Variants in SLC16A14 observed in about 807,000 individuals in gnomAD.
SLC16A14 encodes the protein monocarboxylate transporter 14.
In SLC16A14, 14 loss-of-function variants were observed where a neutral mutation model predicts 35.8. The ratio of observed to expected loss-of-function variants is 0.39; its 90% CI spans 0.26 to 0.61. The LOEUF (loss-of-function observed/expected upper bound fraction) is 0.61. Ranked by LOEUF, SLC16A14 falls within the 20% of genes least tolerant of loss-of-function variation. The probability of loss-of-function intolerance (pLI) is 0.51; values close to 1 mark genes in which losing one functional copy is unlikely to be tolerated. For synonymous variants in SLC16A14, 248 were observed against 258.9 expected (o/e 0.96, Z 0.40); for missense variants, 533 against 655.0 (o/e 0.81, Z 2.03).
chr2:230,064,168 A>G (rs2077773000), intron 1 of SLC16A14, among the ~76,000 whole-genome samples: 1 of 152,190 alleles, frequency 6.6e-6, no homozygotes. Context: ...TACCTTTAAA[A>G]TATTGTCTGG....
chr2:230,053,184 C>T (rs2077676486), intron 2 of SLC16A14, among the ~76,000 whole-genome samples: 1 of 152,132 alleles, frequency 6.6e-6, no homozygotes, highest in East Asian at 1.9e-4. Flanking sequence ...CTCAGGTGAT[C>T]CACCCGCCTC....
At chr2:230,053,364 T>G (rs2077678086) in intron 2 of SLC16A14, among the ~76,000 whole-genome samples, 1 of 152,238 alleles carries the variant, frequency 6.6e-6, no homozygotes, top group Admixed American at 6.5e-5. Context: ...ACAATTGAGA[T>G]ACAATCCTTT....
At chr2:230,064,944 A>G (rs2077781307) in intron 1 of SLC16A14, among the ~76,000 whole-genome samples, 1 of 152,184 alleles carries the variant, frequency 6.6e-6, no homozygotes, top group Non-Finnish European at 1.5e-5. Context: ...TGGGAAGCAG[A>G]GGTTGCAGTG....
chr2:230,066,637 C>CT (rs779250095), intron 1 of SLC16A14: 16 of 338,480 alleles, frequency 4.7e-5, no homozygotes, highest in Middle Eastern at 8.9e-4. Flanking sequence ...ACAAGCAAGT[C>CT]ATTTTTTTTT....
intron 4 of SLC16A14, among the ~76,000 whole-genome samples, chr2:230,042,169 C>G (rs1283241432): frequency 6.6e-6 from 1 of 152,212 alleles, no homozygotes; most frequent in Non-Finnish European, 1.5e-5. Flanking sequence ...GGCTCCCAAC[C>G]ATTAATACAA....
Position 230,059,378 on chromosome 2 carries a change from A to G in SLC16A14, c.-14-12T>C, listed in dbSNP as rs1461283161. On this transcript the variant is annotated splice_polypyrimidine_tract_variant and intron_variant, in intron 1 of 4. Transcript: ENST00000295190. ...TTTCCAAGATTTTTCTGAAATACATATAACAAATAATTTCATGGAACATCA... is the reference window on the plus strand; with the variant it reads ...TTTCCAAGATTTTTCTGAAATACATGTAACAAATAATTTCATGGAACATCA... The G allele has an allele frequency of 2.0e-6, 3 of 1,522,786 alleles. No homozygotes were observed. The highest frequency in any genetic ancestry group is 2.7e-6 in the Non-Finnish European group (3 of 1,131,252). 94.3% of individuals were successfully genotyped at this position (1,522,786 alleles called of 1,614,324 possible). A position where few individuals can be genotyped will look rare whatever the true frequency, so the allele number is the denominator to read the frequency against.
chr2:230,044,477 CAAAAAAA>C (rs34590061), intron 4 of SLC16A14, among the ~76,000 whole-genome samples: 44 of 134,530 alleles, frequency 3.3e-4, no homozygotes, highest in African/African-American at 1.2e-3. Context: ...GATTCCGTCT[CAAAAAAA>C]AAAAAAAGTG....
chr2:230,045,813 A>T lies in SLC16A14; in HGVS notation c.1313T>A (p.Leu438Gln), dbSNP rs750772591. 1 of 1,614,134 alleles carries T rather than the reference A, an allele frequency of 6.2e-7. No individual in the cohort carries two copies. Among genetic ancestry groups the T allele is most frequent in the African/African-American group, 1.3e-5 (1 of 74,942 alleles). The change falls in exon 4 of 5, where the codon CTG (leucine) becomes CAG (glutamine). Residue 438 changes from leucine (L) to glutamine (Q), a missense_variant. Coordinates refer to ENST00000295190, the MANE Select transcript of SLC16A14 (RefSeq NM_152527.5). ...GATGATGATGCCGTAGGCATTGGCC[A>T]GGTGTTCAATGCCAACCAAGTCTTC... ...VTEDLVGIEHLANAYGIIICA... is the reference protein window; with the variant it reads ...VTEDLVGIEHQANAYGIIICA...
At chr2:230,061,632 G>C (rs1186085091) in intron 1 of SLC16A14, among the ~76,000 whole-genome samples, 1 of 152,082 alleles carries the variant, frequency 6.6e-6, no homozygotes, top group Non-Finnish European at 1.5e-5. Flanking sequence ...GGAGATTCTA[G>C]TTTACAATTT....
In SLC16A14 at chr2:230,035,226, T is replaced by C. The variant is rs890572852; in HGVS notation, c.*2154A>G. The stretch of plus-strand genomic sequence containing the variant: ...TTTTGACAATGGGAACTTCCACTCA[T>C]TCGGTAGAAGTCACCACTTTCAAAA... On this transcript the variant is annotated 3_prime_UTR_variant, in exon 5 of 5. Coordinates refer to ENST00000295190, the MANE Select transcript of SLC16A14 (RefSeq NM_152527.5). 1 of 152,542 alleles carries C rather than the reference T, an allele frequency of 6.6e-6. No homozygotes were observed. The highest frequency in any genetic ancestry group is 1.9e-4 in the East Asian group (1 of 5,202). 9.4% of individuals were successfully genotyped at this position (152,542 alleles called of 1,614,324 possible). A position where few individuals can be genotyped will look rare whatever the true frequency, so the allele number is the denominator to read the frequency against.
In SLC16A14 at chr2:230,037,297, C is replaced by G; in HGVS notation, c.*83G>C. 1.5e-6 allele frequency: 2 copies of G among 1,345,958 alleles called. No individual in the cohort carries two copies. The highest frequency in any genetic ancestry group is 2.0e-6 in the Non-Finnish European group (2 of 1,001,930). 83.4% of individuals were successfully genotyped at this position (1,345,958 alleles called of 1,614,324 possible). On this transcript the variant is annotated 3_prime_UTR_variant, in exon 5 of 5. Coordinates refer to ENST00000295190, the MANE Select transcript of SLC16A14 (RefSeq NM_152527.5). Reference sequence around the variant, plus strand: ...AGTTACCGTACAAAATGCTTTCCCACGTCCTGTCATAGGTGCCTCACAGCA... The same window carrying G: ...AGTTACCGTACAAAATGCTTTCCCAGGTCCTGTCATAGGTGCCTCACAGCA...
At chr2:230,057,098 C>A (rs1411191961) in intron 2 of SLC16A14, among the ~76,000 whole-genome samples, 1 of 151,900 alleles carries the variant, frequency 6.6e-6, no homozygotes, top group Non-Finnish European at 1.5e-5. Context: ...ATTTTAAATT[C>A]AGACAATTAG....
chr2:230,049,808 T>C lies in SLC16A14; in HGVS notation c.356A>G (p.Tyr119Cys), dbSNP rs1232277669. 2.5e-6 allele frequency: 4 copies of C among 1,614,066 alleles called. No individual in the cohort carries two copies. The highest frequency in any genetic ancestry group is 3.4e-6 in the Non-Finnish European group (4 of 1,180,032). The change falls in exon 3 of 5, where the codon TAT becomes TGT. Residue 119 changes from tyrosine (Y) to cysteine (C), a missense_variant. By Grantham distance (194) the Tyr-to-Cys change is radical (BLOSUM62 -2). Transcript: ENST00000295190. ...VNSLGWVLSA[Y>C]AANVHYLFIT... is the part of the protein sequence containing the mutation. ...GAAGAGATAATGCACGTTTGCAGCA[T>C]AGGCACTCAACACCCAGCCCAGGGA...
intron 2 of SLC16A14, among the ~76,000 whole-genome samples, chr2:230,052,730 C>G (rs2077671995): frequency 6.6e-6 from 1 of 152,046 alleles, no homozygotes; most frequent in Admixed American, 6.6e-5. Context: ...ATTAACTAAA[C>G]AGCCAGGCAC....
intron 2 of SLC16A14, among the ~76,000 whole-genome samples, chr2:230,054,881 C>G (rs1378695647): frequency 7.1e-6 from 1 of 141,698 alleles, no homozygotes; most frequent in African/African-American, 2.7e-5. Flanking sequence ...GGCGACAGAG[C>G]GAGACTCCAT....
chr2:230,064,120 A>G (rs891464321), intron 1 of SLC16A14, among the ~76,000 whole-genome samples: 4 of 152,078 alleles, frequency 2.6e-5, no homozygotes, highest in Non-Finnish European at 5.9e-5. Context: ...AAGTTCCTCA[A>G]TAGATATATA....
intron 1 of SLC16A14, among the ~76,000 whole-genome samples, chr2:230,060,029 A>T (rs752597197): frequency 3.3e-5 from 5 of 152,126 alleles, no homozygotes; most frequent in Admixed American, 6.5e-5. Context: ...ACTCCCCTCC[A>T]CCCAACCCCA....
intron 2 of SLC16A14, among the ~76,000 whole-genome samples, chr2:230,055,192 G>A (rs751695844): frequency 5.3e-5 from 8 of 152,048 alleles, no homozygotes; most frequent in Non-Finnish European, 1.0e-4. Flanking sequence ...TACAGACAAT[G>A]GTCTGGCCTC....
At chr2:230,044,832 G>A (rs2077590788) in intron 4 of SLC16A14, among the ~76,000 whole-genome samples, 1 of 150,780 alleles carries the variant, frequency 6.6e-6, no homozygotes, top group South Asian at 2.1e-4. Context: ...TCCTGCCTCG[G>A]CCTCCCAAAG....
Sources: allele counts gnomAD v4.1 joint callset (sites outside exome capture counted in the v4.1 genomes callset), GRCh38; gene constraint gnomAD v4.1.1; transcripts MANE v1.5; gene names NCBI Gene and HGNC (gene_info 2026-07-23, HGNC 2026-07-21).